SCN10A: variants seen among roughly 807,000 people sequenced by gnomAD.
SCN10A encodes sodium channel protein type 10 subunit alpha.
In SCN10A, 162 loss-of-function variants were observed where a neutral mutation model predicts 170.7. The observed-to-expected ratio is 0.95, with a 90% confidence interval of 0.84 to 1.08. SCN10A has a LOEUF of 1.08. Ranked by LOEUF, SCN10A falls within the 50% of genes least tolerant of loss-of-function variation. The pLI is 0.00. For missense variants in SCN10A, 2,527 were observed against 2,436.9 expected (o/e 1.04, Z -0.78); for synonymous variants, 985 against 904.6 (o/e 1.09, Z -1.59).
In SCN10A at chr3:38,725,498, T is replaced by C. The variant is rs975102300; in HGVS notation, c.3088-184A>G. Among the ~76,000 whole-genome samples, 4 of 152,378 alleles carry C rather than the reference T, an allele frequency of 2.6e-5. No individual in the cohort carries two copies. In the South Asian group the frequency reaches 6.2e-4, roughly 24 times the overall value. ...TGAAGACTATAGCTAGATAGACCTATGTTTTATCCTTGGGCTCCATTAATT... is the reference window on the plus strand; with the variant it reads ...TGAAGACTATAGCTAGATAGACCTACGTTTTATCCTTGGGCTCCATTAATT... On this transcript the variant is annotated intron_variant, in intron 17 of 27. Transcript: ENST00000449082.
rs1434479522 is a variant in SCN10A, at chr3:38,792,148, T to A, written c.291A>T (p.Lys97Asn). Residue 97 changes from lysine (K) to asparagine (N), a missense_variant, in exon 3 of 28, where the codon AAA (lysine) becomes AAT (asparagine). Physicochemically the swap from Lys to Asn is moderately conservative, Grantham distance 94 (BLOSUM62 0). Coordinates refer to ENST00000449082, the MANE Select transcript of SCN10A (RefSeq NM_006514.4). ...STHRTFMVLNKGRTISRFSAT... is the reference protein window; with the variant it reads ...STHRTFMVLNNGRTISRFSAT... The stretch of plus-strand genomic sequence containing the variant: ...CACTAAACCGGGAAATGGTCCTCCC[T>A]TTGTTCAGCACCATAAATGTCTGAA... 6.2e-7 allele frequency: 1 copy of A among 1,613,814 alleles called. No homozygotes were observed. Among genetic ancestry groups the A allele is most frequent in the East Asian group, 2.2e-5 (1 of 44,866 alleles).
At position 38,722,903 on chromosome 3, in the gene SCN10A, G is replaced by T. The variant is rs75888476; in HGVS notation, c.3353-491C>A. 1.8e-4 allele frequency among the ~76,000 whole-genome samples: 27 copies of T among 152,264 alleles called. No individual in the cohort carries two copies. The East Asian group carries it at 5.0e-3, about 28-fold the overall frequency. The stretch of plus-strand genomic sequence containing the variant: ...CTTTGTATTTTTAGAAAGCATTGAG[G>T]CCACAATTCCCTTTATAGAATGGAC... On this transcript the variant is annotated intron_variant, in intron 19 of 27. Coordinates refer to ENST00000449082, the MANE Select transcript of SCN10A (RefSeq NM_006514.4).
intron 1 of SCN10A, among the ~76,000 whole-genome samples, chr3:38,806,813 CAATTA>C (rs5848484): frequency 0.47 from 71,217 of 151,290 alleles, 18,373 homozygotes; most frequent in African/African-American, 0.7. Context: ...AGATCATTTG[CAATTA>C]AATTAAATTA....
rs116063331 is a variant in SCN10A, at chr3:38,807,380, C to T, written c.-33+8657G>A. ...TACATCAATGCATGTTTTTGCACTT[C>T]AAAGCACTGTAATATGTCTCTCCCA... On this transcript the variant is annotated intron_variant, in intron 1 of 27. Coordinates refer to ENST00000449082, the MANE Select transcript of SCN10A (RefSeq NM_006514.4). Among the ~76,000 whole-genome samples, 1,078 of 152,260 alleles carry T rather than the reference C, an allele frequency of 7.1e-3. 14 individuals are homozygous for T. Among genetic ancestry groups the T allele is most frequent in the African/African-American group, 0.025 (1,039 of 41,548 alleles).
At chr3:38,784,395 A>C (rs2064173394) in intron 4 of SCN10A, among the ~76,000 whole-genome samples, 1 of 152,188 alleles carries the variant, frequency 6.6e-6, no homozygotes, top group Non-Finnish European at 1.5e-5. Context: ...TGATTATCTC[A>C]ATAGATGCAG....
chr3:38,727,118 G>T, intron 16 of SCN10A, 66 bp from the exon 17 acceptor site: 1 of 1,478,478 alleles, frequency 6.8e-7, no homozygotes, highest in Non-Finnish European at 9.2e-7. Flanking sequence ...TGGCCTACCG[G>T]GTTAGCAGCT....
chr3:38,815,671 T>C (rs896540802), intron 1 of SCN10A, among the ~76,000 whole-genome samples: 2 of 152,222 alleles, frequency 1.3e-5, no homozygotes, highest in African/African-American at 4.8e-5. Flanking sequence ...TGACCTCTGT[T>C]ATCACAGTTT....
chr3:38,764,060 A>C (rs1452951842), intron 5 of SCN10A, among the ~76,000 whole-genome samples: 2 of 152,198 alleles, frequency 1.3e-5, no homozygotes, highest in Non-Finnish European at 2.9e-5. Context: ...CAGGCCATAC[A>C]ATTCCAAATG....
At chr3:38,715,961 A>C (rs1028762845) in intron 21 of SCN10A, among the ~76,000 whole-genome samples, 1 of 152,212 alleles carries the variant, frequency 6.6e-6, no homozygotes, top group Non-Finnish European at 1.5e-5. Flanking sequence ...AGAAGGAAAG[A>C]AAGAAAGAAG....
intron 8 of SCN10A, 121 bp from the exon 9 acceptor site, chr3:38,757,280 T>A: frequency 2.1e-6 from 2 of 963,236 alleles, no homozygotes; most frequent in South Asian, 3.7e-5. Context: ...TTCCTCTTAT[T>A]AGCAGGATGA....
intron 1 of SCN10A, among the ~76,000 whole-genome samples, chr3:38,805,862 A>T (rs967431170): frequency 1.1e-4 from 17 of 152,182 alleles, no homozygotes; most frequent in African/African-American, 4.1e-4. Context: ...TAACTGAATC[A>T]CCTATGAATG....
chr3:38,774,737 C>T (rs549012584), intron 4 of SCN10A, among the ~76,000 whole-genome samples: 30 of 152,286 alleles, frequency 2.0e-4, no homozygotes, highest in South Asian at 4.2e-4. Flanking sequence ...TTTTAAAACT[C>T]TGTGTAAGCC....
At chr3:38,805,737 G>A (rs1036180247) in intron 1 of SCN10A, among the ~76,000 whole-genome samples, 2 of 152,106 alleles carry the variant, frequency 1.3e-5, no homozygotes, top group African/African-American at 2.4e-5. Flanking sequence ...CCAGTCCTTC[G>A]AGACCTAGTC....
intron 1 of SCN10A, among the ~76,000 whole-genome samples, chr3:38,794,817 C>G (rs1380993415): frequency 1.3e-5 from 2 of 152,160 alleles, no homozygotes; most frequent in African/African-American, 4.8e-5. Flanking sequence ...TCTCACTATT[C>G]CCTGTCTTCC....
chr3:38,769,427 C>T (rs1057336638), intron 5 of SCN10A, among the ~76,000 whole-genome samples: 3 of 151,818 alleles, frequency 2.0e-5, no homozygotes, highest in East Asian at 3.9e-4. Flanking sequence ...TTAGTAGAGA[C>T]GGGGTTTCTC....
rs1341990928 is a variant in SCN10A, at chr3:38,698,266, G to C, written c.4954C>G (p.Leu1652Val). ...GACGTGGTAATCTGGAAGAGGCACA[G>C]CATGCTGTTGGCGAAGGTCTGGAAG... The part of the protein sequence containing the change: ...FNFQTFANSM[L>V]CLFQITTSAG... Residue 1652 changes from leucine to valine, a missense_variant, in exon 28 of 28, where the codon CTG (leucine) becomes GTG (valine). By Grantham distance (32) the Leu-to-Val change is conservative. Transcript: ENST00000449082. 6.2e-7 allele frequency: 1 copy of C among 1,614,182 alleles called. No homozygotes were observed. The highest frequency in any genetic ancestry group is 8.5e-7 in the Non-Finnish European group (1 of 1,180,030).
chr3:38,756,917 G>T lies in SCN10A; in HGVS notation c.1093-46C>A. The T allele has an allele frequency of 1.9e-6, 3 of 1,608,940 alleles. No homozygotes were observed. In the East Asian group the frequency reaches 6.7e-5, roughly 36 times the overall value. On this transcript the variant is annotated intron_variant, in intron 9 of 27. Transcript: ENST00000449082. ...AGAGAAACCTGTACCCATAGCACATGGACCCCTGAATTTAAGTCAGCCTCC... is the reference window on the plus strand; with the variant it reads ...AGAGAAACCTGTACCCATAGCACATTGACCCCTGAATTTAAGTCAGCCTCC...
Position 38,698,477 on chromosome 3 carries a change from G to A in SCN10A, c.4743C>T (p.Gly1581=). ...CCGCTCGGATCAGTCTGAGGATGCG[G>A]CCAATTCGGGCCAGGCGGATGACTC... is the stretch of plus-strand genomic sequence containing the variant. The part of the protein sequence containing the change: ...LFRVIRLARI[G]RILRLIRAAK... The change falls in exon 28 of 28, where the codon GGC becomes GGT. Residue 1581 remains glycine, a synonymous_variant. Transcript: ENST00000449082. 6.2e-7 allele frequency: 1 copy of A among 1,614,176 alleles called. No individual in the cohort carries two copies. The highest frequency in any genetic ancestry group is 8.5e-7 in the Non-Finnish European group (1 of 1,180,020).
At chr3:38,737,798 C>CCTCCCTCCCTCCCTCCCTCTTTCTTTCTT (rs2063582943) in intron 15 of SCN10A, among the ~76,000 whole-genome samples, 1 of 93,608 alleles carries the variant, frequency 1.1e-5, no homozygotes, top group Non-Finnish European at 2.0e-5. Flanking sequence ...CCCTCCCTTC[C>CCTCCCTCCCTCCCTCCCTCTTTCTTTCTT]TCTTTCTTTC....
Sources: gnomAD v4.1 joint callset for allele counts (sites outside exome capture counted in the v4.1 genomes callset) on GRCh38, gnomAD v4.1.1 for gene constraint, MANE v1.5 for transcripts, NCBI Gene and HGNC (gene_info 2026-07-23, HGNC 2026-07-21) for gene names.